Variants in CFAP61 observed in about 807,000 individuals in gnomAD.
CFAP61 encodes the protein cilia and flagella associated protein 61, also known as cilia- and flagella-associated protein 61.
A neutral mutation model predicts 135.6 loss-of-function variants in CFAP61; 107 were observed. The observed-to-expected ratio is 0.79, with a 90% CI of 0.67 to 0.93. The LOEUF is 0.93. Among genes scored for constraint, CFAP61 ranks in the 40% least tolerant of loss-of-function variants. The pLI, the probability that CFAP61 is intolerant of heterozygous loss-of-function variation, is 0.00. For missense variants in CFAP61, 1,507 were observed against 1,556.2 expected (o/e 0.97, Z 0.53); for synonymous variants, 575 against 578.5 (o/e 0.99, Z 0.09).
At chr20:20,209,917 C>A (rs896082189) in intron 17 of CFAP61, among the ~76,000 whole-genome samples, 1 of 152,004 alleles carries the variant, frequency 6.6e-6, no homozygotes, top group Non-Finnish European at 1.5e-5. Flanking sequence ...CACCCCTTGT[C>A]CTGGCATCCA....
intron 8 of CFAP61, among the ~76,000 whole-genome samples, chr20:20,105,798 A>AT (rs559728102): frequency 2.4e-5 from 2 of 84,828 alleles, no homozygotes; most frequent in East Asian, 4.7e-4. Context: ...TGCCCGGCTA[A>AT]TTTTTTTGAG....
chr20:20,078,714 G>C (rs1335975635), intron 6 of CFAP61, among the ~76,000 whole-genome samples: 2 of 152,114 alleles, frequency 1.3e-5, no homozygotes. Context: ...AACTAGAAGA[G>C]AGGGAGAGGA....
At chr20:20,175,042 A>T (rs2054509472) in intron 13 of CFAP61, among the ~76,000 whole-genome samples, 1 of 152,216 alleles carries the variant, frequency 6.6e-6, no homozygotes. Context: ...TGCAACAGCC[A>T]GGGTCCTTTG....
chr20:20,322,299 T>G (rs1329628486), intron 25 of CFAP61, among the ~76,000 whole-genome samples: 2 of 152,224 alleles, frequency 1.3e-5, no homozygotes, highest in African/African-American at 4.8e-5. Context: ...TGCACATTAA[T>G]ACATAACTGA....
intron 5 of CFAP61, 43 bp downstream of exon 5, chr20:20,075,299 T>G (rs1345625148): frequency 6.9e-6 from 11 of 1,594,046 alleles, no homozygotes; most frequent in Non-Finnish European, 9.5e-6. Context: ...TAGCAAACAT[T>G]GAAAATTCAC....
chr20:20,117,577 T>C (rs1353511933), intron 8 of CFAP61, among the ~76,000 whole-genome samples: 1 of 152,136 alleles, frequency 6.6e-6, no homozygotes, highest in East Asian at 1.9e-4. Context: ...TCAGGGTCTT[T>C]GTGGTTTTGT....
chr20:20,218,190 C>T (rs975579997), intron 17 of CFAP61, among the ~76,000 whole-genome samples: 12 of 152,156 alleles, frequency 7.9e-5, no homozygotes, highest in Admixed American at 2.0e-4. Context: ...CCAGAATTCC[C>T]ACATCTTGTG....
intron 26 of CFAP61, among the ~76,000 whole-genome samples, chr20:20,356,084 G>GGTGGTC (rs2059135108): frequency 1.8e-5 from 2 of 110,716 alleles, no homozygotes; most frequent in African/African-American, 3.3e-5. Flanking sequence ...TGTGAGCAGA[G>GGTGGTC]ATGGTCACAC....
intron 13 of CFAP61, among the ~76,000 whole-genome samples, chr20:20,187,310 C>T (rs565104785): frequency 6.6e-6 from 1 of 152,314 alleles, no homozygotes; most frequent in Non-Finnish European, 1.5e-5. Context: ...AATGGGGAGG[C>T]TGTCTAGGGC....
At chr20:20,191,258 T>A (rs919330485) in intron 14 of CFAP61, 84 bp from the exon 15 acceptor site, 11 of 1,092,806 alleles carry the variant, frequency 1.0e-5, no homozygotes, top group Non-Finnish European at 1.5e-5. Context: ...TATGTGAACG[T>A]GGTTAAGACC....
chr20:20,158,796 T>C (rs2053164194), intron 9 of CFAP61, among the ~76,000 whole-genome samples: 1 of 152,170 alleles, frequency 6.6e-6, no homozygotes, highest in African/African-American at 2.4e-5. Flanking sequence ...GGGGGCGATG[T>C]GTCATGTTCA....
intron 24 of CFAP61, among the ~76,000 whole-genome samples, chr20:20,294,975 A>ATAATAC (rs2147074139): frequency 6.9e-6 from 1 of 145,972 alleles, no homozygotes; most frequent in South Asian, 2.1e-4. Context: ...AATAATAATA[A>ATAATAC]TACCAAAAAA....
At chr20:20,318,061 C>CA (rs1456367768) in intron 25 of CFAP61, among the ~76,000 whole-genome samples, 5 of 152,212 alleles carry the variant, frequency 3.3e-5, no homozygotes, top group African/African-American at 1.2e-4. Flanking sequence ...GCCCCCAACT[C>CA]AAACCCTCTC....
rs74501906 is a variant in CFAP61, at chr20:20,210,888, G to T, written c.1932+10986G>T. ...TACCTGTCATCCCACACTTTGGGAG[G>T]CTGAAATAGGAGGATCACTTGAAGC... On this transcript the variant is annotated intron_variant, in intron 17 of 26. Transcript: ENST00000245957. 2.2e-3 allele frequency among the ~76,000 whole-genome samples: 339 copies of T among 152,270 alleles called. 1 individual carries two copies. The highest frequency in any genetic ancestry group is 3.6e-3 in the Non-Finnish European group (247 of 68,018).
intron 1 of CFAP61, among the ~76,000 whole-genome samples, chr20:20,052,938 A>C (rs1198089956): frequency 6.6e-6 from 1 of 152,138 alleles, no homozygotes; most frequent in Non-Finnish European, 1.5e-5. Flanking sequence ...AGGTGCCCAA[A>C]TAATTAACTC....
intron 14 of CFAP61, 27 bp downstream of exon 14, chr20:20,188,083 A>G: frequency 6.2e-7 from 1 of 1,613,194 alleles, no homozygotes; most frequent in Non-Finnish European, 8.5e-7. Flanking sequence ...ACCAGACCTC[A>G]GGATATGGGA....
chr20:20,338,828 C>T (rs993099689), intron 25 of CFAP61, among the ~76,000 whole-genome samples: 4 of 152,224 alleles, frequency 2.6e-5, no homozygotes, highest in African/African-American at 7.2e-5. Context: ...GCAAGGATGA[C>T]CTCTGGAGAC....
chr20:20,228,207 G>A (rs200863802), intron 17 of CFAP61, 42 bp from the exon 18 acceptor site: 37 of 1,577,634 alleles, frequency 2.3e-5, no homozygotes, highest in South Asian at 8.0e-5. Context: ...ACACTGCTAC[G>A]TTTTCTTTGA....
At chr20:20,315,660 T>G (rs1273073812) in intron 25 of CFAP61, among the ~76,000 whole-genome samples, 3 of 152,160 alleles carry the variant, frequency 2.0e-5, no homozygotes, top group South Asian at 2.1e-4. Flanking sequence ...CTAGGGTTTT[T>G]ATGGTTTTAG....
Sources: allele counts gnomAD v4.1 joint callset (sites outside exome capture counted in the v4.1 genomes callset), GRCh38; gene constraint gnomAD v4.1.1; transcripts MANE v1.5; gene names NCBI Gene and HGNC (gene_info 2026-07-23, HGNC 2026-07-21).